Variants in MIB2 observed in about 807,000 individuals in gnomAD.
The protein encoded by MIB2 is MIB E3 ubiquitin protein ligase 2, also known as E3 ubiquitin-protein ligase MIB2.
Under a neutral mutation model 96.6 loss-of-function variants are expected in MIB2, and 78 were observed. The ratio of observed to expected loss-of-function variants is 0.81; its 90% CI spans 0.67 to 0.97. The LOEUF is 0.97. Among genes scored for constraint, MIB2 ranks in the 50% least tolerant of loss-of-function variants. MIB2 has a pLI of 0.00. For synonymous variants in MIB2, 820 were observed against 629.5 expected (o/e 1.30, Z -4.53); for missense variants, 1,543 against 1,424.0 (o/e 1.08, Z -1.35).
rs372068996 is a variant in MIB2 at position 1,628,186 on chromosome 1, G to T, written c.1841+7G>T. ...CCCTCAAGGGTCACGCGCTGTGAGT[G>T]TGGGGTGGGCACACAGCTGCAGCCG... On this transcript the variant is annotated splice_region_variant and intron_variant, in intron 14 of 19. Coordinates refer to ENST00000355826, the MANE Select transcript of MIB2 (RefSeq NM_001170687.4). The T allele has an allele frequency of 1.2e-6, 2 of 1,612,826 alleles. No homozygotes were observed. The highest frequency in any genetic ancestry group is 4.5e-5 in the East Asian group (2 of 44,890).
chr1:1,627,363 T>TA lies in MIB2; in HGVS notation c.1443dup (p.Arg482ThrfsTer71). On this transcript the variant is annotated frameshift_variant, in exon 12 of 20. Transcript: ENST00000355826. LOFTEE classifies it high-confidence loss of function. ...GCCTACCTGGGCCAGGTGGAGTTGA[T>TA]ACGGCTGCTGCTACAAGCCAGGGCG... 1.9e-6 allele frequency: 3 copies of TA among 1,613,002 alleles called. No individual in the cohort carries two copies. The highest frequency in any genetic ancestry group is 1.7e-5 in the Admixed American group (1 of 60,028).
chr1:1,628,764 C>T (rs370073854), intron 16 of MIB2, 42 bp downstream of exon 16: 118 of 1,425,382 alleles, frequency 8.3e-5, no homozygotes, highest in Non-Finnish European at 1.0e-4. Context: ...GCTGCGGTGG[C>T]GCCGGCAGCA....
In MIB2 at chr1:1,615,617, C is replaced by T. The variant is rs768441138; in HGVS notation, c.-146C>T. 2.5e-6 allele frequency: 4 copies of T among 1,571,524 alleles called. No individual in the cohort carries two copies. In the African/African-American group the frequency reaches 5.5e-5, roughly 22 times the overall value. On this transcript the variant is annotated 5_prime_UTR_variant, in exon 1 of 20. Coordinates refer to ENST00000355826, the MANE Select transcript of MIB2 (RefSeq NM_001170687.4). ...CCTAGGTCACTGGCGCGATGCGGGC[C>T]GTCCTCTCGGCTGATGGTGCGTGCG... is the stretch of plus-strand genomic sequence containing the variant.
chr1:1,621,286 G>A (rs1644240769), intron 2 of MIB2, among the ~76,000 whole-genome samples: 1 of 152,366 alleles, frequency 6.6e-6, no homozygotes, highest in South Asian at 2.1e-4. Context: ...CCGAGGGCAA[G>A]GTGGGGTTTC....
At chr1:1,623,139 T>C in intron 2 of MIB2, 1 of 515,708 alleles carries the variant, frequency 1.9e-6, no homozygotes, top group Admixed American at 3.8e-5. Flanking sequence ...GAGCGTTATT[T>C]GTGAACCTTT....
chr1:1,625,273 C>T lies in MIB2; in HGVS notation c.722-13C>T. 2 of 1,593,950 alleles carry T rather than the reference C, an allele frequency of 1.3e-6. No individual in the cohort carries two copies. The highest frequency in any genetic ancestry group is 1.7e-6 in the Non-Finnish European group (2 of 1,172,944). On this transcript the variant is annotated splice_polypyrimidine_tract_variant and intron_variant, in intron 6 of 19. Coordinates refer to ENST00000355826, the MANE Select transcript of MIB2 (RefSeq NM_001170687.4). The surrounding 1 kb of genome is among the most constrained non-coding windows in gnomAD (Gnocchi z 5.0). The stretch of plus-strand genomic sequence containing the variant: ...GGGCCGCTGCCTGAGGCCTGGTCTG[C>T]CACCCTCCGCAGGCAAGCCGGCGGA...
In MIB2 at chr1:1,625,282, G is replaced by A. The variant is rs375198803; in HGVS notation, c.722-4G>A. 72 of 1,592,540 alleles carry A rather than the reference G, an allele frequency of 4.5e-5. No homozygotes were observed. The African/African-American group carries it at 5.4e-4, about 12-fold the overall frequency. On this transcript the variant is annotated splice_region_variant and splice_polypyrimidine_tract_variant and intron_variant, in intron 6 of 19. Coordinates refer to ENST00000355826, the MANE Select transcript of MIB2 (RefSeq NM_001170687.4). This position sits in a 1 kb window ranked among gnomAD's most constrained non-coding sequence, Gnocchi z 5.0. ...CCTGAGGCCTGGTCTGCCACCCTCC[G>A]CAGGCAAGCCGGCGGAGCTGCAGCG... is the stretch of plus-strand genomic sequence containing the variant.
At position 1,615,608 on chromosome 1, in the gene MIB2, G is replaced by A; in HGVS notation, c.-155G>A. On this transcript the variant is annotated 5_prime_UTR_variant, in exon 1 of 20. Coordinates refer to ENST00000355826, the MANE Select transcript of MIB2 (RefSeq NM_001170687.4). ...CGAGTCGCTCCTAGGTCACTGGCGC[G>A]ATGCGGGCCGTCCTCTCGGCTGATG... The A allele has an allele frequency of 1.3e-6, 2 of 1,569,084 alleles. No homozygotes were observed. Among genetic ancestry groups the A allele is most frequent in the African/African-American group, 1.4e-5 (1 of 72,542 alleles).
In MIB2 at chr1:1,615,608, G is replaced by C. The variant is rs757321846; in HGVS notation, c.-155G>C. On this transcript the variant is annotated 5_prime_UTR_variant, in exon 1 of 20. Coordinates refer to ENST00000355826, the MANE Select transcript of MIB2 (RefSeq NM_001170687.4). Reference sequence around the variant, plus strand: ...CGAGTCGCTCCTAGGTCACTGGCGCGATGCGGGCCGTCCTCTCGGCTGATG... The same window carrying C: ...CGAGTCGCTCCTAGGTCACTGGCGCCATGCGGGCCGTCCTCTCGGCTGATG... 1.7e-5 allele frequency: 27 copies of C among 1,569,084 alleles called. 1 individual carries two copies. In the South Asian group the frequency reaches 3.0e-4, roughly 18 times the overall value.
Position 1,627,539 on chromosome 1 carries a change from G to A in MIB2, c.1523+95G>A, listed in dbSNP as rs1023352692. 1.4e-5 allele frequency: 20 copies of A among 1,479,878 alleles called. No homozygotes were observed. The Admixed American group carries it at 1.9e-4, about 14-fold the overall frequency. 91.7% of individuals were successfully genotyped at this position (1,479,878 alleles called of 1,614,324 possible). ...CCGGCCGGCGGGGCTGAGCCTGTGC[G>A]TCCTGGGGTGAGGCCTGGGAGGGGC... On this transcript the variant is annotated intron_variant, in intron 12 of 19. Coordinates refer to ENST00000355826, the MANE Select transcript of MIB2 (RefSeq NM_001170687.4).
Position 1,625,350 on chromosome 1 carries a change from G to A in MIB2, c.786G>A (p.Lys262=). ...GCCAGCCCTTCCAGCACGGGGACAA[G>A]GTCAAGTGTCTGCTGGACACTGATG... is the stretch of plus-strand genomic sequence containing the variant. The part of the protein sequence containing the change: ...ADSQPFQHGD[K]VKCLLDTDVL... The change falls in exon 7 of 20, where the codon AAG becomes AAA. Residue 262 remains lysine (K), a synonymous_variant. Transcript: ENST00000355826. This position sits in a 1 kb window ranked among gnomAD's most constrained non-coding sequence, Gnocchi z 5.0. 1 of 1,582,150 alleles carries A rather than the reference G, an allele frequency of 6.3e-7. No homozygotes were observed. Among genetic ancestry groups the A allele is most frequent in the South Asian group, 1.1e-5 (1 of 87,482 alleles).
intron 2 of MIB2, chr1:1,617,755 G>A (rs1043682182): frequency 2.0e-5 from 3 of 152,258 alleles, no homozygotes; most frequent in South Asian, 4.1e-4. Flanking sequence ...TCGATCTGTC[G>A]CCCGAGTCTT....
intron 2 of MIB2, chr1:1,618,373 G>A (rs1643936140): frequency 6.6e-6 from 1 of 152,526 alleles, no homozygotes; most frequent in East Asian, 1.9e-4. Flanking sequence ...ACAGGTCCAG[G>A]GTGGAGGCAG....
chr1:1,623,578 C>T lies in MIB2; in HGVS notation c.126C>T (p.His42=), dbSNP rs369726730. 265 of 1,515,638 alleles carry T rather than the reference C, an allele frequency of 1.7e-4. No individual in the cohort carries two copies. The highest frequency in any genetic ancestry group is 1.2e-3 in the South Asian group (95 of 79,574). 93.9% of individuals were successfully genotyped at this position (1,515,638 alleles called of 1,614,324 possible). A position where few individuals can be genotyped will look rare whatever the true frequency, so the allele number is the denominator to read the frequency against. The change falls in exon 3 of 20, where the codon CAC becomes CAT. Residue 42 remains histidine (H), a synonymous_variant. Coordinates refer to ENST00000355826, the MANE Select transcript of MIB2 (RefSeq NM_001170687.4). The part of the protein sequence containing the change: ...GVGTVVELGR[H]GSPSTPDRTV... ...GCACGGTGGTGGAGCTTGGCCGCCA[C>T]GGCAGCCCCTCGACACCCGACCGCA...
rs575238983 is a variant in MIB2 at position 1,624,987 on chromosome 1, C to G, written c.527-4C>G. 1.3e-5 allele frequency: 21 copies of G among 1,610,020 alleles called. No individual in the cohort carries two copies. In the Middle Eastern group the frequency reaches 5.0e-4, roughly 38 times the overall value. ...TAGCCTGCTGGGGGGGCCTCTTTCC[C>G]CAGGAGGGGAAGGGAAACCGGGCCG... On this transcript the variant is annotated splice_region_variant and splice_polypyrimidine_tract_variant and intron_variant, in intron 5 of 19. Coordinates refer to ENST00000355826, the MANE Select transcript of MIB2 (RefSeq NM_001170687.4).
In MIB2 at chr1:1,625,586, G is replaced by A. The variant is rs114944847; in HGVS notation, c.905G>A (p.Arg302His). ...GGCACCGTGCATCGTATCACGGACC[G>A]CGGGGACGTGCGCGTGCAGTTCAAC... Reference protein sequence around the residue: ...QTGTVHRITDRGDVRVQFNHE... With the variant: ...QTGTVHRITDHGDVRVQFNHE... Residue 302 changes from arginine to histidine, a missense_variant, in exon 8 of 20, where the codon CGC (arginine) becomes CAC (histidine). Coordinates refer to ENST00000355826, the MANE Select transcript of MIB2 (RefSeq NM_001170687.4). This position sits in a 1 kb window ranked among gnomAD's most constrained non-coding sequence, Gnocchi z 5.0. 5,039 of 1,583,330 alleles carry A rather than the reference G, an allele frequency of 3.2e-3. 15 individuals are homozygous for A. The highest frequency in any genetic ancestry group is 4.1e-3 in the Non-Finnish European group (4,774 of 1,165,494).
Position 1,625,817 on chromosome 1 carries a change from AAGG to A in MIB2, c.972+167_972+169del, listed in dbSNP as rs1347928587. The A allele has an allele frequency of 1.3e-5, 8 of 621,006 alleles. No individual in the cohort carries two copies. Among genetic ancestry groups the A allele is most frequent in the Admixed American group, 5.6e-5 (2 of 35,760 alleles). 38.5% of individuals were successfully genotyped at this position (621,006 alleles called of 1,614,324 possible). ...CTGGTGGGTGGAGGTGGGTGGGGTC[AAGG>A]AGAAGAGGGGGTTGGGTGTGAAGGA... On this transcript the variant is annotated intron_variant, in intron 8 of 19. Coordinates refer to ENST00000355826, the MANE Select transcript of MIB2 (RefSeq NM_001170687.4). This position sits in a 1 kb window ranked among gnomAD's most constrained non-coding sequence, Gnocchi z 5.0.
chr1:1,629,017 C>G, intron 16 of MIB2, 116 bp from the exon 17 acceptor site: 1 of 1,178,820 alleles, frequency 8.5e-7, no homozygotes, highest in Non-Finnish European at 1.1e-6. Context: ...AAGAGGTGCC[C>G]TTGCCTTGTA....
In MIB2 at chr1:1,625,048, G is replaced by C. The variant is rs371776067; in HGVS notation, c.584G>C (p.Gly195Ala). 188 of 1,613,244 alleles carry C rather than the reference G, an allele frequency of 1.2e-4. 1 individual carries two copies. In the South Asian group the frequency reaches 1.8e-3, roughly 16 times the overall value. ...VDIRGWDVET[G>A]RSVASVTWAD... ...ATCCGTGGCTGGGATGTGGAGACAGGCCGGAGTGTGGCCAGCGTGACGTGG... is the reference window on the plus strand; with the variant it reads ...ATCCGTGGCTGGGATGTGGAGACAGCCCGGAGTGTGGCCAGCGTGACGTGG... The change falls in exon 6 of 20, where the codon GGC becomes GCC. Residue 195 changes from glycine (G) to alanine (A), a missense_variant. Coordinates refer to ENST00000355826, the MANE Select transcript of MIB2 (RefSeq NM_001170687.4). This position sits in a 1 kb window ranked among gnomAD's most constrained non-coding sequence, Gnocchi z 5.0.
Sources: allele counts gnomAD v4.1 joint callset (sites outside exome capture counted in the v4.1 genomes callset), GRCh38; gene constraint gnomAD v4.1.1; non-coding constraint Gnocchi (gnomAD v3.1); transcripts MANE v1.5; gene names NCBI Gene and HGNC (gene_info 2026-07-23, HGNC 2026-07-21).